EXOC4: variants seen among roughly 807,000 people sequenced by gnomAD.
The protein encoded by EXOC4 is SEC8-like 1.
EXOC4 carries 71 observed loss-of-function variants against 107.2 expected under a neutral mutation model. The observed-to-expected ratio is 0.66, with a 90% confidence interval of 0.55 to 0.81. The LOEUF is 0.81. Ranked by LOEUF, EXOC4 falls within the 30% of genes least tolerant of loss-of-function variation. The pLI, the probability that EXOC4 is intolerant of heterozygous loss-of-function variation, is 0.00. For missense variants in EXOC4, 1,108 were observed against 1,189.6 expected (o/e 0.93, Z 1.01); for synonymous variants, 456 against 441.2 (o/e 1.03, Z -0.42).
intron 10 of EXOC4, among the ~76,000 whole-genome samples, chr7:133,649,351 A>G (rs1803074296): frequency 1.3e-5 from 2 of 152,008 alleles, no homozygotes; most frequent in African/African-American, 4.8e-5. Context: ...TTCAATACAC[A>G]TGATAGGGTT....
chr7:133,819,011 C>A, intron 11 of EXOC4, among the ~76,000 whole-genome samples: 1 of 152,122 alleles, frequency 6.6e-6, no homozygotes, highest in East Asian at 1.9e-4. Flanking sequence ...TTCTTCTCCC[C>A]TTCCTCTTCA....
downstream of EXOC4, among the ~76,000 whole-genome samples, chr7:134,068,217 G>A (rs1236668275): frequency 3.3e-5 from 5 of 152,128 alleles, no homozygotes; most frequent in African/African-American, 1.2e-4. Context: ...CCTACTTGAG[G>A]AAAGGAGCTG....
chr7:133,795,845 A>G (rs1277675252), intron 10 of EXOC4, among the ~76,000 whole-genome samples: 1 of 152,236 alleles, frequency 6.6e-6, no homozygotes, highest in Non-Finnish European at 1.5e-5. Flanking sequence ...CACCAACTAT[A>G]TCACATTTTT....
intron 9 of EXOC4, among the ~76,000 whole-genome samples, chr7:133,553,190 A>G (rs1800624376): frequency 6.6e-6 from 1 of 152,208 alleles, no homozygotes; most frequent in African/African-American, 2.4e-5. Flanking sequence ...GAAGTGTTTT[A>G]TAAAGTGTGA....
intron 7 of EXOC4, among the ~76,000 whole-genome samples, chr7:133,383,019 T>A (rs1796652184): frequency 6.6e-6 from 1 of 152,296 alleles, no homozygotes; most frequent in South Asian, 2.1e-4. Flanking sequence ...CTTTTTCAGT[T>A]TTCACTCTTT....
chr7:133,397,488 A>G (rs1213418611), intron 7 of EXOC4, among the ~76,000 whole-genome samples: 1 of 151,988 alleles, frequency 6.6e-6, no homozygotes, highest in East Asian at 1.9e-4. Context: ...CTGAATTATT[A>G]GTTCTTAGGC....
At chr7:133,776,211 A>C (rs566609578) in intron 10 of EXOC4, among the ~76,000 whole-genome samples, 1 of 78,920 alleles carries the variant, frequency 1.3e-5, no homozygotes, top group South Asian at 6.4e-4. Flanking sequence ...TCACGAGTCT[A>C]TTTTCTAATT....
At chr7:133,605,212 A>G (rs1336178496) in intron 9 of EXOC4, among the ~76,000 whole-genome samples, 1 of 152,122 alleles carries the variant, frequency 6.6e-6, no homozygotes, top group African/African-American at 2.4e-5. Flanking sequence ...CTATTGTCAG[A>G]CTCTGCTTTA....
intron 10 of EXOC4, among the ~76,000 whole-genome samples, chr7:133,714,487 T>A (rs907086499): frequency 6.6e-6 from 1 of 152,214 alleles, no homozygotes. Context: ...AGAACTCAAA[T>A]CTAGCTGTCT....
chr7:134,036,109 T>A (rs1043328627), intron 17 of EXOC4, among the ~76,000 whole-genome samples: 19 of 152,146 alleles, frequency 1.2e-4, no homozygotes. Flanking sequence ...TTCCCTTAAT[T>A]GATAAGTGTT....
At position 133,937,957 on chromosome 7, in the gene EXOC4, A is replaced by C; in HGVS notation, c.2094A>C (p.Gln698His). The change falls in exon 14 of 18, where the codon CAA (glutamine) becomes CAC (histidine). Residue 698 changes from glutamine to histidine, a missense_variant. Physicochemically the swap from Gln to His is conservative, Grantham distance 24 (BLOSUM62 0). Coordinates refer to ENST00000253861, the MANE Select transcript of EXOC4 (RefSeq NM_021807.4). ...TGGGTGATAAATTAATCCCTCCACA[A>C]GACATCCTTCGTGACGTCAGTGACC... Reference protein sequence around the residue: ...GNLGDKLIPPQDILRDVSDLK... With the variant: ...GNLGDKLIPPHDILRDVSDLK... The C allele has an allele frequency of 6.2e-7, 1 of 1,614,184 alleles. No homozygotes were observed. Among genetic ancestry groups the C allele is most frequent in the South Asian group, 1.1e-5 (1 of 91,080 alleles).
chr7:133,388,650 A>G (rs758028140), intron 7 of EXOC4, among the ~76,000 whole-genome samples: 4 of 152,192 alleles, frequency 2.6e-5, no homozygotes, highest in Non-Finnish European at 5.9e-5. Context: ...ACTCTGTCTC[A>G]AAAATAAAAT....
intron 9 of EXOC4, among the ~76,000 whole-genome samples, chr7:133,534,032 C>T (rs576162425): frequency 2.6e-5 from 4 of 152,288 alleles, no homozygotes; most frequent in South Asian, 4.1e-4. Context: ...AATACCTCTT[C>T]TGAATAACTC....
intron 10 of EXOC4, among the ~76,000 whole-genome samples, chr7:133,796,617 G>T (rs1308997392): frequency 1.3e-5 from 2 of 152,036 alleles, no homozygotes. Flanking sequence ...AATTAGCTGG[G>T]CGTGGTGGCA....
At chr7:133,964,552 C>T (rs2116849729) in intron 14 of EXOC4, among the ~76,000 whole-genome samples, 1 of 152,218 alleles carries the variant, frequency 6.6e-6, no homozygotes, top group East Asian at 1.9e-4. Context: ...TTGTTCAACT[C>T]CCGCTTATGA....
intron 14 of EXOC4, among the ~76,000 whole-genome samples, chr7:133,943,067 C>A (rs1205816032): frequency 6.6e-6 from 1 of 152,096 alleles, no homozygotes; most frequent in African/African-American, 2.4e-5. Flanking sequence ...AAATGTAGTT[C>A]CTCTGTCATA....
chr7:133,266,660 C>T (rs1220064321), intron 1 of EXOC4, among the ~76,000 whole-genome samples: 1 of 152,132 alleles, frequency 6.6e-6, no homozygotes, highest in Admixed American at 6.5e-5. Flanking sequence ...AAACTTTGTA[C>T]CTGGGCTGTA....
chr7:133,814,333 T>G (rs1585167791), intron 10 of EXOC4, among the ~76,000 whole-genome samples: 1 of 152,160 alleles, frequency 6.6e-6, no homozygotes, highest in East Asian at 1.9e-4. Context: ...CTTTTCACAT[T>G]AGTACATCAA....
chr7:133,878,015 T>C (rs1378145390), intron 11 of EXOC4, among the ~76,000 whole-genome samples: 1 of 152,192 alleles, frequency 6.6e-6, no homozygotes, highest in African/African-American at 2.4e-5. Context: ...AAACTACTGT[T>C]TCCTATATTT....
Sources: allele counts gnomAD v4.1 joint callset (sites outside exome capture counted in the v4.1 genomes callset), GRCh38; gene constraint gnomAD v4.1.1; transcripts MANE v1.5; gene names NCBI Gene and HGNC (gene_info 2026-07-23, HGNC 2026-07-21).